Variants in PGGT1B observed in about 807,000 individuals in gnomAD.
PGGT1B encodes geranylgeranyl transferase type-1 subunit beta.
PGGT1B carries 30 observed loss-of-function variants against 46.1 expected under a neutral mutation model. That is an observed-to-expected ratio of 0.65 (90% confidence interval 0.49 to 0.88). The LOEUF (loss-of-function observed/expected upper bound fraction) is 0.88, where lower values mean the gene tolerates loss of function less well. Ranked by LOEUF, PGGT1B falls within the 40% of genes least tolerant of loss-of-function variation. PGGT1B has a pLI of 0.00. For synonymous variants in PGGT1B, 170 were observed against 160.0 expected (o/e 1.06, Z -0.47); for missense variants, 376 against 455.9 (o/e 0.82, Z 1.60).
At chr5:115,257,030 C>G (rs1239645437) in intron 1 of PGGT1B, among the ~76,000 whole-genome samples, 1 of 152,158 alleles carries the variant, frequency 6.6e-6, no homozygotes, top group African/African-American at 2.4e-5. Context: ...CTGTTCACCC[C>G]TCTTCTCTCA....
intron 3 of PGGT1B, among the ~76,000 whole-genome samples, chr5:115,238,843 A>T (rs1757266058): frequency 6.6e-6 from 1 of 152,164 alleles, no homozygotes; most frequent in African/African-American, 2.4e-5. Flanking sequence ...ACTTATCTTA[A>T]TGGTGACTAA....
At position 115,207,212 on chromosome 5, in the gene PGGT1B, T is replaced by G. The variant is rs1337866835; in HGVS notation, c.*5190A>C. 3 of 141,784 alleles carry G rather than the reference T, an allele frequency of 2.1e-5. No individual in the cohort carries two copies. The highest frequency in any genetic ancestry group is 4.7e-5 in the Non-Finnish European group (3 of 63,742). 8.8% of individuals were successfully genotyped at this position (141,784 alleles called of 1,614,324 possible). On this transcript the variant is annotated 3_prime_UTR_variant, in exon 9 of 9. Transcript: ENST00000419445. ...ATATATATATATATATATATAGTCT[T>G]GTTACTCTTTTTAGTAAACATTTTT...
intron 6 of PGGT1B, 50 bp downstream of exon 6, chr5:115,230,926 G>T (rs755539625): frequency 4.4e-6 from 5 of 1,135,350 alleles, no homozygotes; most frequent in Non-Finnish European, 5.3e-6. Flanking sequence ...CCAAGATGTT[G>T]TCTAAGGGAA....
At chr5:115,253,443 T>C (rs933299790) in intron 1 of PGGT1B, among the ~76,000 whole-genome samples, 188 bp from the exon 2 acceptor site, 6 of 151,970 alleles carry the variant, frequency 3.9e-5, no homozygotes, top group Non-Finnish European at 8.8e-5. Flanking sequence ...AAGCCTTTTG[T>C]TTCAATTTTT....
rs373725988 is a variant in PGGT1B, at chr5:115,253,304, G to T, written c.141-49C>A. 1.0e-5 allele frequency: 14 copies of T among 1,396,896 alleles called. No homozygotes were observed. In the African/African-American group the frequency reaches 2.1e-4, roughly 21 times the overall value. 86.5% of individuals were successfully genotyped at this position (1,396,896 alleles called of 1,614,324 possible). On this transcript the variant is annotated intron_variant, in intron 1 of 8. Transcript: ENST00000419445. The stretch of plus-strand genomic sequence containing the variant: ...CCATCTTAACTATCATACCACTTAA[G>T]TCTGAAGTCTTCCTGGTCTAGAAAA...
intron 3 of PGGT1B, among the ~76,000 whole-genome samples, chr5:115,240,208 A>T (rs2127014887): frequency 6.6e-6 from 1 of 152,210 alleles, no homozygotes; most frequent in South Asian, 2.1e-4. Flanking sequence ...TCCAAAAAGG[A>T]GTTTCAGGAG....
chr5:115,233,111 T>C (rs1757048495), intron 5 of PGGT1B, among the ~76,000 whole-genome samples: 1 of 151,518 alleles, frequency 6.6e-6, no homozygotes, highest in Admixed American at 6.6e-5. Context: ...GAGATGAAAA[T>C]ACAGCAAATG....
At chr5:115,226,501 T>A (rs1756787229) in intron 6 of PGGT1B, among the ~76,000 whole-genome samples, 1 of 152,002 alleles carries the variant, frequency 6.6e-6, no homozygotes, top group South Asian at 2.1e-4. Flanking sequence ...AAAAATGGGC[T>A]CCAAGCTAAG....
At chr5:115,243,417 G>C (rs1757410335) in intron 2 of PGGT1B, among the ~76,000 whole-genome samples, 1 of 152,098 alleles carries the variant, frequency 6.6e-6, no homozygotes, top group Non-Finnish European at 1.5e-5. Context: ...AAATGTATTT[G>C]ATCAAGTTAA....
At chr5:115,262,152 T>C (rs1418713606) in intron 1 of PGGT1B, among the ~76,000 whole-genome samples, 1 of 152,244 alleles carries the variant, frequency 6.6e-6, no homozygotes. Flanking sequence ...GCTTAGTCTC[T>C]GCCGCACCAC....
intron 1 of PGGT1B, chr5:115,262,504 T>C (rs1351544352): frequency 5.5e-6 from 3 of 547,546 alleles, no homozygotes; most frequent in Non-Finnish European, 9.7e-6. Context: ...AAACTGGAGA[T>C]GCCACAGCCC....
rs1431633563 is a variant in PGGT1B, at chr5:115,204,175, A to G, written c.*8227T>C. 3 of 152,160 alleles carry G rather than the reference A, an allele frequency of 2.0e-5. No homozygotes were observed. The highest frequency in any genetic ancestry group is 4.4e-5 in the Non-Finnish European group (3 of 68,012). 9.4% of individuals were successfully genotyped at this position (152,160 alleles called of 1,614,324 possible). A position where few individuals can be genotyped will look rare whatever the true frequency, so the allele number is the denominator to read the frequency against. ...TAAAATATAAATTTGCAAATAATCA[A>G]CTGTTTCTACCCAAGCTGCTTTTTC... On this transcript the variant is annotated 3_prime_UTR_variant, in exon 9 of 9. Transcript: ENST00000419445.
chr5:115,230,773 G>C (rs941579990), intron 6 of PGGT1B, among the ~76,000 whole-genome samples: 1 of 152,032 alleles, frequency 6.6e-6, no homozygotes, highest in African/African-American at 2.4e-5. Flanking sequence ...ATCCCAGCCT[G>C]AATAACACCT....
chr5:115,244,647 A>G (rs1283208077), intron 2 of PGGT1B, among the ~76,000 whole-genome samples: 2 of 151,848 alleles, frequency 1.3e-5, no homozygotes, highest in Non-Finnish European at 2.9e-5. Context: ...GCTGGACTGC[A>G]GGGGCATGAT....
intron 1 of PGGT1B, 130 bp downstream of exon 1, chr5:115,262,582 G>A: frequency 1.9e-6 from 2 of 1,045,368 alleles, no homozygotes; most frequent in Non-Finnish European, 2.8e-6. Flanking sequence ...AAGCCCACTT[G>A]AAACCAGTCA....
At chr5:115,250,396 A>C (rs188896221) in intron 2 of PGGT1B, among the ~76,000 whole-genome samples, 12 of 152,332 alleles carry the variant, frequency 7.9e-5, no homozygotes, top group Admixed American at 5.2e-4. Flanking sequence ...TAATAGTCTA[A>C]CAACTACTGA....
intron 6 of PGGT1B, among the ~76,000 whole-genome samples, chr5:115,224,122 A>AT (rs397707562): frequency 5.9e-5 from 9 of 151,286 alleles, no homozygotes; most frequent in African/African-American, 2.2e-4. Flanking sequence ...AGCTAAAAAA[A>AT]TTATTACAAC....
At chr5:115,228,517 G>A (rs755829246) in intron 6 of PGGT1B, among the ~76,000 whole-genome samples, 16 of 152,162 alleles carry the variant, frequency 1.1e-4, no homozygotes, top group Non-Finnish European at 1.5e-5. Flanking sequence ...TACTGCATGT[G>A]TATCTGGGTG....
rs536781127 is a variant in PGGT1B, at chr5:115,236,492, A to G, written c.510T>C (p.Asn170=). The change falls in exon 5 of 9, where the codon AAT becomes AAC. Residue 170 remains asparagine (N), a synonymous_variant. Transcript: ENST00000419445. ...AAGCACAGTACACAAATCGCATGTC[A>G]TTTTCACTGCCTTCAGGTACTGCAC... ...SFCAVPEGSE[N]DMRFVYCASC... is the part of the protein sequence containing the mutation. 9 of 1,566,534 alleles carry G rather than the reference A, an allele frequency of 5.7e-6. No homozygotes were observed. In the South Asian group the frequency reaches 8.5e-5, roughly 15 times the overall value.
Sources: gnomAD v4.1 joint callset for allele counts (sites outside exome capture counted in the v4.1 genomes callset) on GRCh38, gnomAD v4.1.1 for gene constraint, MANE v1.5 for transcripts, NCBI Gene and HGNC (gene_info 2026-07-23, HGNC 2026-07-21) for gene names.